The following CCP110 variants were observed in gnomAD, a reference collection of about 807,000 sequenced individuals.
CCP110 encodes the protein centriolar coiled-coil protein of 110 kDa.
Under a neutral mutation model 105.5 loss-of-function variants are expected in CCP110, and 43 were observed. That is an observed-to-expected ratio of 0.41 (90% CI 0.32 to 0.53). The LOEUF (loss-of-function observed/expected upper bound fraction) is 0.53, where lower values mean the gene tolerates loss of function less well. Ranked by LOEUF, CCP110 falls within the 20% of genes least tolerant of loss-of-function variation. The pLI is 0.32. For synonymous variants in CCP110, 353 were observed against 392.1 expected (o/e 0.90, Z 1.18); for missense variants, 1,016 against 1,189.1 (o/e 0.85, Z 2.14).
At chr16:19,529,270 G>C (rs1340950943) in intron 2 of CCP110, among the ~76,000 whole-genome samples, 1 of 152,110 alleles carries the variant, frequency 6.6e-6, no homozygotes, top group Non-Finnish European at 1.5e-5. Flanking sequence ...ATACTAATTG[G>C]ATATTTTAAA....
At chr16:19,551,936 T>C (rs1340771297) in exon 15 of CCP110, 2 of 152,206 alleles carry the variant, frequency 1.3e-5, no homozygotes, top group African/African-American at 4.8e-5. Context: ...ATAAGATCTT[T>C]CTGTGACAGG....
At chr16:19,527,976 G>T in exon 2 of CCP110, 1 of 1,613,574 alleles carries the variant, frequency 6.2e-7, no homozygotes, top group African/African-American at 1.3e-5. Context: ...CAGTCTGAAA[G>T]TATCTCACTT....
At chr16:19,530,573 G>A (rs1273442716) in intron 2 of CCP110, among the ~76,000 whole-genome samples, 1 of 151,884 alleles carries the variant, frequency 6.6e-6, no homozygotes, top group Admixed American at 6.6e-5. Flanking sequence ...TTGAACCCAG[G>A]AGGCGAAGGT....
exon 4 of CCP110, chr16:19,537,007 A>G: frequency 1.2e-6 from 2 of 1,614,248 alleles, no homozygotes; most frequent in East Asian, 4.5e-5. Flanking sequence ...GCAAAAATAC[A>G]TCTGAAGTCA....
At chr16:19,530,927 C>CA (rs939703209) in intron 2 of CCP110, among the ~76,000 whole-genome samples, 16 of 144,988 alleles carry the variant, frequency 1.1e-4, no homozygotes, top group South Asian at 6.5e-4. Context: ...GACTCCATCT[C>CA]AAAAAAAAAA....
rs372309095 is a variant in CCP110 at position 19,536,247 on chromosome 16, C to T, written c.578C>T (p.Ala193Val). The change falls in exon 4 of 15, where the codon GCA becomes GTA. Residue 193 changes from alanine to valine, a missense_variant. Physicochemically the swap from Ala to Val is moderately conservative, Grantham distance 64 (BLOSUM62 0). Coordinates refer to ENST00000381396, the Ensembl canonical transcript of CCP110. ...GAAGCTTTTCCAAAGACCTCTTCAG[C>T]AACCCCACAAGAAACTCTTATTTCT... 10 of 1,613,728 alleles carry T rather than the reference C, an allele frequency of 6.2e-6. No individual in the cohort carries two copies. In the South Asian group the frequency reaches 6.6e-5, roughly 11 times the overall value.
chr16:19,535,591 A>G (rs1970022830), intron 3 of CCP110, among the ~76,000 whole-genome samples: 1 of 152,174 alleles, frequency 6.6e-6, no homozygotes, highest in Non-Finnish European at 1.5e-5. Flanking sequence ...GACTAGAAGA[A>G]ATTTAAGTGC....
rs1219286582 is a variant in CCP110 at position 19,542,759 on chromosome 16, A to G, written c.2366A>G (p.Gln789Arg). 1.2e-5 allele frequency: 20 copies of G among 1,612,624 alleles called. No individual in the cohort carries two copies. The East Asian group carries it at 4.0e-4, about 32-fold the overall frequency. ...GGAAGAGCCAAAACTAGATGGTCTCAAGTGGGTAAACTTAATGATACATGT... is the reference window on the plus strand; with the variant it reads ...GGAAGAGCCAAAACTAGATGGTCTCGAGTGGGTAAACTTAATGATACATGT... The change falls in exon 7 of 15, where the codon CAA becomes CGA. Residue 789 changes from glutamine to arginine, a missense_variant and splice_region_variant. By Grantham distance (43) the Gln-to-Arg change is conservative. Transcript: ENST00000381396.
At chr16:19,552,524 C>T (rs1235379637) in exon 15 of CCP110, 1 of 101,414 alleles carries the variant, frequency 9.9e-6, no homozygotes, top group Non-Finnish European at 1.7e-5. Flanking sequence ...AAGACACTGT[C>T]TCAAAAAAAA....
At chr16:19,547,799 C>A (rs910426952) in intron 12 of CCP110, 156 bp from the exon 13 acceptor site, 1 of 607,542 alleles carries the variant, frequency 1.6e-6, no homozygotes, top group Non-Finnish European at 3.0e-6. Context: ...TATTAATATG[C>A]TTTAGTCGAT....
rs144385995 is a variant in CCP110 at position 19,536,637 on chromosome 16, T to C, written c.968T>C (p.Val323Ala). The C allele has an allele frequency of 6.2e-5, 100 of 1,614,084 alleles. No individual in the cohort carries two copies. Among genetic ancestry groups the C allele is most frequent in the Admixed American group, 1.5e-4 (9 of 60,010 alleles). The change falls in exon 4 of 15, where the codon GTG becomes GCG. Residue 323 changes from valine (V) to alanine (A), a missense_variant. By Grantham distance (64) the Val-to-Ala change is moderately conservative (BLOSUM62 0). Coordinates refer to ENST00000381396, the Ensembl canonical transcript of CCP110. ...CCAGTTTTAGCTAGCTTTTCGAAAGTGGACATACCTATACGAACTGGCCAT... is the reference window on the plus strand; with the variant it reads ...CCAGTTTTAGCTAGCTTTTCGAAAGCGGACATACCTATACGAACTGGCCAT...
Position 19,533,860 on chromosome 16 carries a change from A to G in CCP110, c.270+1316A>G, listed in dbSNP as rs1006167028. Reference sequence around the variant, plus strand: ...TTTTGCAGCTATCTGTTTAGGAATAAAAGGAAGGCAGTTTTTGTGTGACTC... The same window carrying G: ...TTTTGCAGCTATCTGTTTAGGAATAGAAGGAAGGCAGTTTTTGTGTGACTC... On this transcript the variant is annotated intron_variant, in intron 3 of 14. Coordinates refer to ENST00000381396, the Ensembl canonical transcript of CCP110. Among the ~76,000 whole-genome samples, 4 of 152,186 alleles carry G rather than the reference A, an allele frequency of 2.6e-5. No homozygotes were observed. The South Asian group carries it at 8.3e-4, about 31-fold the overall frequency.
At chr16:19,528,937 T>C (rs1459221519) in intron 2 of CCP110, among the ~76,000 whole-genome samples, 1 of 151,874 alleles carries the variant, frequency 6.6e-6, no homozygotes, top group African/African-American at 2.4e-5. Context: ...CAAGACCCTA[T>C]CCCAAAAGAA....
At chr16:19,549,004 A>G (rs1038678780) in intron 14 of CCP110, among the ~76,000 whole-genome samples, 2 of 152,202 alleles carry the variant, frequency 1.3e-5, no homozygotes, top group Non-Finnish European at 2.9e-5. Context: ...CCCTCAGACT[A>G]TAAGATCACA....
At chr16:19,539,622 G>T (rs956562341) in intron 4 of CCP110, among the ~76,000 whole-genome samples, 4 of 151,752 alleles carry the variant, frequency 2.6e-5, no homozygotes, top group African/African-American at 9.7e-5. Context: ...CCAAAGTGCT[G>T]GGATTACAGG....
At chr16:19,536,431 A>T (rs1243514857) in exon 4 of CCP110, 3 of 1,613,672 alleles carry the variant, frequency 1.9e-6, no homozygotes, top group Non-Finnish European at 2.5e-6. Context: ...GTATCAACAG[A>T]ATTGTTAATG....
chr16:19,550,014 A>G (rs940778507), intron 14 of CCP110, among the ~76,000 whole-genome samples: 4 of 152,244 alleles, frequency 2.6e-5, no homozygotes, highest in Non-Finnish European at 4.4e-5. Context: ...GCATTGCAAC[A>G]TACTTATTAA....
intron 5 of CCP110, 140 bp downstream of exon 5, chr16:19,540,927 T>C (rs966899567): frequency 5.6e-6 from 3 of 535,614 alleles, no homozygotes; most frequent in East Asian, 6.4e-5. Flanking sequence ...ACGTGAATGG[T>C]ATTTTTTGTC....
intron 4 of CCP110, among the ~76,000 whole-genome samples, chr16:19,538,163 T>A (rs954477695): frequency 6.6e-6 from 1 of 151,840 alleles, no homozygotes; most frequent in African/African-American, 2.4e-5. Context: ...GTTCAGGCAA[T>A]TCTCATGCCT....
Sources: allele counts gnomAD v4.1 joint callset (sites outside exome capture counted in the v4.1 genomes callset), GRCh38; gene constraint gnomAD v4.1.1; transcripts MANE v1.5; gene names NCBI Gene and HGNC (gene_info 2026-07-23, HGNC 2026-07-21).